Variants in ARGFX observed in about 807,000 individuals in gnomAD.
ARGFX encodes the protein arginine-fifty homeobox.
In ARGFX, 10 loss-of-function variants were observed where a neutral mutation model predicts 8.0. The observed-to-expected ratio is 1.25, with a 90% CI of 0.77 to 2.12. The LOEUF (loss-of-function observed/expected upper bound fraction) is 2.12, where lower values mean the gene tolerates loss of function less well. Ranked by LOEUF, ARGFX falls within the 30% of genes most tolerant of loss-of-function variation. ARGFX has a pLI of 0.00. For synonymous variants in ARGFX, 116 were observed against 117.8 expected (o/e 0.98, Z 0.10); for missense variants, 282 against 324.3 (o/e 0.87, Z 1.00).
Position 121,586,745 on chromosome 3 carries a change from C to A in ARGFX, c.*145C>A. 4.0e-6 allele frequency: 3 copies of A among 746,052 alleles called. No homozygotes were observed. The highest frequency in any genetic ancestry group is 6.4e-6 in the Non-Finnish European group (3 of 472,118). 46.2% of individuals were successfully genotyped at this position (746,052 alleles called of 1,614,324 possible). ...TGTAAATGTTGCAAAAAGAGTTTTCCAAGTAGAGCTGGGCACTACGTAATC... is the reference window on the plus strand; with the variant it reads ...TGTAAATGTTGCAAAAAGAGTTTTCAAAGTAGAGCTGGGCACTACGTAATC... On this transcript the variant is annotated 3_prime_UTR_variant, in exon 5 of 5. Transcript: ENST00000334384.
rs2048819109 is a variant in ARGFX at position 121,587,421 on chromosome 3, A to C, written c.*821A>C. 6.6e-6 allele frequency among the ~76,000 whole-genome samples: 1 copy of C among 151,522 alleles called. No individual in the cohort carries two copies. The highest frequency in any genetic ancestry group is 6.6e-5 in the Admixed American group (1 of 15,174). Reference sequence around the variant, plus strand: ...AGGCTGGTCTCCAACTCCTGGACTTAACGCCATCCACCTGCCACAGCCTCC... The same window carrying C: ...AGGCTGGTCTCCAACTCCTGGACTTCACGCCATCCACCTGCCACAGCCTCC... On this transcript the variant is annotated 3_prime_UTR_variant, in exon 5 of 5. Coordinates refer to ENST00000334384, the MANE Select transcript of ARGFX (RefSeq NM_001012659.2).
Position 121,588,582 on chromosome 3 carries a change from C to A in ARGFX, c.*1982C>A, listed in dbSNP as rs1036299611. ...CTAGAAATTCACAAAAAAATTAATA[C>A]CTCTGTGGAGAAAACTTCAAAACTT... On this transcript the variant is annotated 3_prime_UTR_variant, in exon 5 of 5. Coordinates refer to ENST00000334384, the MANE Select transcript of ARGFX (RefSeq NM_001012659.2). Among the ~76,000 whole-genome samples, 3 of 151,690 alleles carry A rather than the reference C, an allele frequency of 2.0e-5. No individual in the cohort carries two copies. Among genetic ancestry groups the A allele is most frequent in the East Asian group, 1.9e-4 (1 of 5,184 alleles).
chr3:121,586,265 A>G lies in ARGFX; in HGVS notation c.613A>G (p.Met205Val), dbSNP rs1422572574. Residue 205 changes from methionine (M) to valine (V), a missense_variant, in exon 5 of 5, where the codon ATG becomes GTG. Met to Val is a conservative substitution (Grantham distance 21). Transcript: ENST00000334384. ...FTESSTSDFQ[M>V]QDTQWERLVA... ...TGAGAGTTCTACCAGTGACTTCCAA[A>G]TGCAAGATACTCAGTGGGAGAGGCT... 3.1e-6 allele frequency: 5 copies of G among 1,613,998 alleles called. No individual in the cohort carries two copies. Among genetic ancestry groups the G allele is most frequent in the Non-Finnish European group, 3.4e-6 (4 of 1,180,030 alleles).
At chr3:121,572,173 T>A (rs1188964958) in intron 2 of ARGFX, among the ~76,000 whole-genome samples, 1 of 151,010 alleles carries the variant, frequency 6.6e-6, no homozygotes, top group African/African-American at 2.4e-5. Flanking sequence ...CTTCCCAAAG[T>A]CCTGGGATTA....
chr3:121,587,634 T>TA lies in ARGFX; in HGVS notation c.*1035dup, dbSNP rs1259981793. Among the ~76,000 whole-genome samples the TA allele has an allele frequency of 6.6e-6, 1 of 152,158 alleles. No homozygotes were observed. The highest frequency in any genetic ancestry group is 6.6e-5 in the Admixed American group (1 of 15,264). Reference sequence around the variant, plus strand: ...TTTTAATGACAGAAAGTTATAAACTTACATTTTGTTTCCAATTTTTCATTT... The same window carrying TA: ...TTTTAATGACAGAAAGTTATAAACTTAACATTTTGTTTCCAATTTTTCATTT... On this transcript the variant is annotated 3_prime_UTR_variant, in exon 5 of 5. Coordinates refer to ENST00000334384, the MANE Select transcript of ARGFX (RefSeq NM_001012659.2).
At chr3:121,584,244 A>C (rs1401192854) in intron 3 of ARGFX, among the ~76,000 whole-genome samples, 1 of 150,782 alleles carries the variant, frequency 6.6e-6, no homozygotes, top group Non-Finnish European at 1.5e-5. Context: ...GGAAGGAAGG[A>C]AGGAAGGAAG....
intron 3 of ARGFX, among the ~76,000 whole-genome samples, chr3:121,577,332 CAA>C (rs1195733724): frequency 6.8e-6 from 1 of 147,184 alleles, no homozygotes; most frequent in Non-Finnish European, 1.5e-5. Flanking sequence ...TGGCTCACTG[CAA>C]CCTCCACCTC....
chr3:121,581,843 C>T (rs1218429651), intron 3 of ARGFX, among the ~76,000 whole-genome samples: 2 of 152,036 alleles, frequency 1.3e-5, no homozygotes, highest in East Asian at 3.9e-4. Flanking sequence ...ATGGCAGTTG[C>T]AGTGAGCTAT....
rs1204013765 is a variant in ARGFX, at chr3:121,579,940, C to CTTTTT, written c.220+3044_220+3045insTTTTT. ...TCTTTCTTTCTTTTTCTTTTCTTTT[C>CTTTTT]TTTTCTTTTTTTTTTTTTTTTTTTT... On this transcript the variant is annotated intron_variant, in intron 3 of 4. Coordinates refer to ENST00000334384, the MANE Select transcript of ARGFX (RefSeq NM_001012659.2). 2.1e-3 allele frequency among the ~76,000 whole-genome samples: 91 copies of CTTTTT among 43,212 alleles called. 3 individuals carry two copies. Among genetic ancestry groups the CTTTTT allele is most frequent in the African/African-American group, 7.5e-3 (85 of 11,310 alleles). The allele number at this position is 43,212 out of a possible 152,430, so 28.3% of individuals were successfully genotyped here. A position where few individuals can be genotyped will look rare whatever the true frequency, so the allele number is the denominator to read the frequency against.
At position 121,570,782 on chromosome 3, in the gene ARGFX, G is replaced by A. The variant is rs543287924; in HGVS notation, c.69G>A (p.Met23Ile). Residue 23 changes from methionine to isoleucine, a missense_variant, in exon 2 of 5, where the codon ATG becomes ATA. Met to Ile is a conservative substitution (Grantham distance 10, BLOSUM62 1). Coordinates refer to ENST00000334384, the MANE Select transcript of ARGFX (RefSeq NM_001012659.2). ...TCATCAATAGGAATTATTCCAACAT[G>A]AAGGTGATACCACCACAGGATCCAG... is the stretch of plus-strand genomic sequence containing the variant. Reference protein sequence around the residue: ...DPFINRNYSNMKVIPPQDPAS... With the variant: ...DPFINRNYSNIKVIPPQDPAS... 4.4e-6 allele frequency: 7 copies of A among 1,607,966 alleles called. No homozygotes were observed. In the African/African-American group the frequency reaches 8.0e-5, roughly 18 times the overall value.
In ARGFX at chr3:121,587,014, T is replaced by A. The variant is rs1319500347; in HGVS notation, c.*414T>A. Among the ~76,000 whole-genome samples, 1 of 152,010 alleles carries A rather than the reference T, an allele frequency of 6.6e-6. No homozygotes were observed. The highest frequency in any genetic ancestry group is 1.9e-4 in the East Asian group (1 of 5,188). ...AGGTGATCCTCCCACCTCAGCCTCC[T>A]GAGTAGCTAGGACTACAGATGCTCG... is the stretch of plus-strand genomic sequence containing the variant. On this transcript the variant is annotated 3_prime_UTR_variant, in exon 5 of 5. Transcript: ENST00000334384.
At chr3:121,570,574 G>A (rs534419035) in intron 1 of ARGFX, 128 bp from the exon 2 acceptor site, 1 of 490,236 alleles carries the variant, frequency 2.0e-6, no homozygotes, top group African/African-American at 2.0e-5. Context: ...TCCAGCTGAG[G>A]TAGAGGAATT....
chr3:121,585,932 G>A, intron 4 of ARGFX, 90 bp from the exon 5 acceptor site: 1 of 1,271,426 alleles, frequency 7.9e-7, no homozygotes, highest in Non-Finnish European at 1.1e-6. Flanking sequence ...AGGACATGAA[G>A]ATTATAACCT....
intron 2 of ARGFX, 61 bp from the exon 3 acceptor site, chr3:121,576,703 TTCTTTTTCTTTCTTTCTTTC>T: frequency 7.8e-6 from 2 of 257,574 alleles, no homozygotes; most frequent in South Asian, 4.8e-5. Flanking sequence ...TTCTCTTTCT[TTCTTTTTCTTTCTTTCTTTC>T]TTTCTTTCTT....
chr3:121,577,250 T>TATATATATATATATATCTACATGTAC (rs2048746530), intron 3 of ARGFX, among the ~76,000 whole-genome samples: 6 of 55,294 alleles, frequency 1.1e-4, no homozygotes, highest in Admixed American at 2.9e-4. Context: ...TATATATATA[T>TATATATATATATATATCTACATGTAC]ATATATATAT....
intron 3 of ARGFX, among the ~76,000 whole-genome samples, chr3:121,582,506 ATAT>A (rs1255333977): frequency 6.6e-6 from 1 of 152,196 alleles, no homozygotes; most frequent in Non-Finnish European, 1.5e-5. Flanking sequence ...AAAAAATAAG[ATAT>A]TATAAGTTTA....
chr3:121,590,544 G>C lies in ARGFX; in HGVS notation c.*3944G>C, dbSNP rs1412436408. On this transcript the variant is annotated 3_prime_UTR_variant, in exon 5 of 5. Coordinates refer to ENST00000334384, the MANE Select transcript of ARGFX (RefSeq NM_001012659.2). ...GATGAAACATGAAGGCCCTGGCCAGGTGTGGCCCCTCCATCTTCCGTCTGA... is the reference window on the plus strand; with the variant it reads ...GATGAAACATGAAGGCCCTGGCCAGCTGTGGCCCCTCCATCTTCCGTCTGA... Among the ~76,000 whole-genome samples the C allele has an allele frequency of 6.6e-6, 1 of 151,696 alleles. No individual in the cohort carries two copies. The highest frequency in any genetic ancestry group is 2.4e-5 in the African/African-American group (1 of 41,274).
rs2048824845 is a variant in ARGFX at position 121,588,280 on chromosome 3, A to G, written c.*1680A>G. The stretch of plus-strand genomic sequence containing the variant: ...CAGGAGATTGAGACCAGCCTGACTA[A>G]CATGGTGAAATCCCGTCTCTACTAA... On this transcript the variant is annotated 3_prime_UTR_variant, in exon 5 of 5. Transcript: ENST00000334384. Among the ~76,000 whole-genome samples, 2 of 147,388 alleles carry G rather than the reference A, an allele frequency of 1.4e-5. No homozygotes were observed. Among genetic ancestry groups the G allele is most frequent in the South Asian group, 4.3e-4 (2 of 4,606 alleles).
chr3:121,577,245 ATATATATATATATATTTT>A (rs1181015906), intron 3 of ARGFX, among the ~76,000 whole-genome samples: 185 of 56,828 alleles, frequency 3.3e-3, no homozygotes, highest in Non-Finnish European at 4.6e-3. Flanking sequence ...ATATATATAT[ATATATATATATATATTTT>A]TTTTTTTTTA....
Sources: gnomAD v4.1 joint callset for allele counts (sites outside exome capture counted in the v4.1 genomes callset) on GRCh38, gnomAD v4.1.1 for gene constraint, MANE v1.5 for transcripts, NCBI Gene and HGNC (gene_info 2026-07-23, HGNC 2026-07-21) for gene names.